The following FGGY variants were observed in gnomAD, a reference collection of about 807,000 sequenced individuals.
The protein encoded by FGGY is FGGY carbohydrate kinase domain containing.
A neutral mutation model predicts 71.3 loss-of-function variants in FGGY; 72 were observed. That is an observed-to-expected ratio of 1.01 (90% CI 0.84 to 1.23). The LOEUF (loss-of-function observed/expected upper bound fraction) is 1.23, where lower values mean the gene tolerates loss of function less well. FGGY is among the 50% of genes most tolerant of loss of function. The pLI is 0.00. For missense variants in FGGY, 668 were observed against 682.3 expected (o/e 0.98, Z 0.23); for synonymous variants, 251 against 250.3 (o/e 1.00, Z -0.02).
At position 59,536,921 on chromosome 1, in the gene FGGY, C is replaced by T. The variant is rs2095331673; in HGVS notation, c.800-17203C>T. Among the ~76,000 whole-genome samples the T allele has an allele frequency of 2.6e-5, 4 of 152,106 alleles. No individual in the cohort carries two copies. The South Asian group carries it at 8.3e-4, about 32-fold the overall frequency. On this transcript the variant is annotated intron_variant, in intron 7 of 15. Coordinates refer to ENST00000303721, the MANE Select transcript of FGGY (RefSeq NM_018291.5). ...AATGGGCAAAAACTGGAAGCATTCC[C>T]TTTGAAAACTGGCACAAGACAGGGA...
chr1:59,566,196 G>A (rs1386852385), intron 8 of FGGY, among the ~76,000 whole-genome samples: 4 of 152,082 alleles, frequency 2.6e-5, no homozygotes, highest in African/African-American at 9.7e-5. Context: ...GAAGTTTGGT[G>A]TGGATGAAAT....
intron 4 of FGGY, among the ~76,000 whole-genome samples, chr1:59,355,867 C>T (rs2054217102): frequency 6.6e-6 from 1 of 151,980 alleles, no homozygotes; most frequent in Non-Finnish European, 1.5e-5. Flanking sequence ...GGCTGGCAGA[C>T]CACTGGCTGA....
rs767402012 is a variant in FGGY, at chr1:59,346,441, G to T, written c.465+43G>T. ...AAGAGAAGATACCAACAATAGTAGA[G>T]GATTCCTGTTACTGTGGACCTGTAG... On this transcript the variant is annotated intron_variant, in intron 4 of 15. Transcript: ENST00000303721. 9 of 1,601,268 alleles carry T rather than the reference G, an allele frequency of 5.6e-6. No homozygotes were observed. The African/African-American group carries it at 1.1e-4, about 19-fold the overall frequency.
chr1:59,661,393 C>G (rs1471641885), intron 12 of FGGY, among the ~76,000 whole-genome samples: 4 of 152,146 alleles, frequency 2.6e-5, no homozygotes, highest in Non-Finnish European at 5.9e-5. Flanking sequence ...AGTATGGAAT[C>G]AGTCAACTTG....
At chr1:59,655,764 C>A (rs781500039) in intron 11 of FGGY, among the ~76,000 whole-genome samples, 3 of 152,150 alleles carry the variant, frequency 2.0e-5, no homozygotes, top group Non-Finnish European at 4.4e-5. Context: ...AAAAGTAATT[C>A]ACTTTGCAAA....
chr1:59,304,172 G>GT (rs1321512733), intron 1 of FGGY, among the ~76,000 whole-genome samples: 1 of 152,088 alleles, frequency 6.6e-6, no homozygotes. Context: ...ATGTCGAGGA[G>GT]TTTTTTGTCG....
At chr1:59,345,166 A>G (rs2051567222) in intron 3 of FGGY, among the ~76,000 whole-genome samples, 1 of 152,204 alleles carries the variant, frequency 6.6e-6, no homozygotes, top group Non-Finnish European at 1.5e-5. Context: ...AGGGCTTGGG[A>G]GACAAACACA....
intron 6 of FGGY, among the ~76,000 whole-genome samples, chr1:59,494,434 G>A (rs920310525): frequency 6.6e-6 from 1 of 152,136 alleles, no homozygotes; most frequent in Non-Finnish European, 1.5e-5. Flanking sequence ...GCATGTTTGA[G>A]AAGATAGAAA....
At chr1:59,378,330 G>GT in intron 4 of FGGY, among the ~76,000 whole-genome samples, 1 of 151,968 alleles carries the variant, frequency 6.6e-6, no homozygotes, top group South Asian at 2.1e-4. Flanking sequence ...TTTATAAGAG[G>GT]TTTTCCCTTT....
intron 6 of FGGY, among the ~76,000 whole-genome samples, chr1:59,506,996 C>T (rs566539782): frequency 1.0e-3 from 154 of 152,184 alleles, no homozygotes; most frequent in African/African-American, 3.6e-3. Flanking sequence ...TAAAAGAAAA[C>T]CTTTAGGCAA....
chr1:59,562,424 C>T (rs1006602308), intron 8 of FGGY, among the ~76,000 whole-genome samples: 40 of 152,306 alleles, frequency 2.6e-4, no homozygotes, highest in Admixed American at 2.0e-4. Flanking sequence ...GGGCTCAGGC[C>T]AGCTGATAGG....
intron 1 of FGGY, among the ~76,000 whole-genome samples, chr1:59,311,864 C>T (rs752050705): frequency 3.3e-5 from 5 of 152,230 alleles, no homozygotes; most frequent in Non-Finnish European, 7.3e-5. Context: ...TGCATTCCCA[C>T]TAACAGTGTA....
chr1:59,697,376 A>G (rs1453466689), intron 14 of FGGY, among the ~76,000 whole-genome samples: 1 of 152,086 alleles, frequency 6.6e-6, no homozygotes, highest in Admixed American at 6.6e-5. Flanking sequence ...ACCCCTAGCA[A>G]CCACCATTCT....
Position 59,556,735 on chromosome 1 carries a change from C to T in FGGY, c.903+2508C>T, listed in dbSNP as rs144146213. ...CCAGTCTCACAGGGTTGTTGAGTAA[C>T]ATGCATTATGTAGGTTTGTACCTAG... is the stretch of plus-strand genomic sequence containing the variant. On this transcript the variant is annotated intron_variant, in intron 8 of 15. Coordinates refer to ENST00000303721, the MANE Select transcript of FGGY (RefSeq NM_018291.5). Among the ~76,000 whole-genome samples, 132 of 152,296 alleles carry T rather than the reference C, an allele frequency of 8.7e-4. 1 individual carries two copies. The highest frequency in any genetic ancestry group is 1.3e-3 in the Non-Finnish European group (87 of 68,020).
At chr1:59,732,471 A>G (rs889918607) in intron 14 of FGGY, among the ~76,000 whole-genome samples, 1 of 152,218 alleles carries the variant, frequency 6.6e-6, no homozygotes, top group Non-Finnish European at 1.5e-5. Context: ...GTCAGCATGC[A>G]GGCACAGAAA....
chr1:59,306,280 A>C (rs2043428631), intron 1 of FGGY, among the ~76,000 whole-genome samples: 1 of 152,212 alleles, frequency 6.6e-6, no homozygotes, highest in African/African-American at 2.4e-5. Flanking sequence ...TGAGGTACTC[A>C]GATACCAATA....
At chr1:59,617,190 A>G (rs1002284645) in intron 9 of FGGY, among the ~76,000 whole-genome samples, 2 of 152,118 alleles carry the variant, frequency 1.3e-5, no homozygotes, top group African/African-American at 4.8e-5. Flanking sequence ...ACAGTCATAA[A>G]TACACCACCT....
At chr1:59,654,294 G>T (rs2097198009) in intron 11 of FGGY, among the ~76,000 whole-genome samples, 2 of 152,142 alleles carry the variant, frequency 1.3e-5, no homozygotes, top group Admixed American at 1.3e-4. Context: ...TCCCTTTAGA[G>T]GCTTCCTATA....
intron 1 of FGGY, among the ~76,000 whole-genome samples, chr1:59,309,259 T>C (rs77229735): frequency 0.02 from 3,119 of 152,290 alleles, 93 homozygotes; most frequent in African/African-American, 0.071. Flanking sequence ...TATATCTTAG[T>C]GTTGTTTTGA....
Sources: gnomAD v4.1 joint callset for allele counts (sites outside exome capture counted in the v4.1 genomes callset) on GRCh38, gnomAD v4.1.1 for gene constraint, MANE v1.5 for transcripts, NCBI Gene and HGNC (gene_info 2026-07-23, HGNC 2026-07-21) for gene names.